Variants in CLCN3 observed in about 807,000 individuals in gnomAD.
CLCN3 encodes the protein H(+)/Cl(-) exchange transporter 3.
A neutral mutation model predicts 83.4 loss-of-function variants in CLCN3; 16 were observed. The ratio of observed to expected loss-of-function variants is 0.19; its 90% CI spans 0.13 to 0.29. The LOEUF is 0.29. Among genes scored for constraint, CLCN3 ranks in the 10% least tolerant of loss-of-function variants. The probability of loss-of-function intolerance (pLI) is 1.00; values close to 1 mark genes in which losing one functional copy is unlikely to be tolerated. For missense variants in CLCN3, 544 were observed against 1,006.0 expected (o/e 0.54, Z 6.21); for synonymous variants, 322 against 346.2 (o/e 0.93, Z 0.78).
Position 169,690,647 on chromosome 4 carries a change from C to G in CLCN3, c.724C>G (p.Pro242Ala). Residue 242 changes from proline (P) to alanine (A), a missense_variant, in exon 6 of 13, where the codon CCA becomes GCA. Around this residue, in one of 6 missense-constraint regions of CLCN3, gnomAD observed 96 missense variants for 202.1 expected, o/e 0.48. Transcript: ENST00000513761. ...TCCATATGCCTGTGGCTCTGGAATT[C>G]CAGAGGTAAGCCAAGTAATATTTAG... ...FAPYACGSGI[P>A]EIKTILSGFI... The G allele has an allele frequency of 2.2e-5, 36 of 1,611,460 alleles. No homozygotes were observed. Among genetic ancestry groups the G allele is most frequent in the Non-Finnish European group, 3.1e-5 (36 of 1,178,858 alleles).
At chr4:169,672,981 A>G (rs1256362201) in intron 2 of CLCN3, among the ~76,000 whole-genome samples, 8 of 152,190 alleles carry the variant, frequency 5.3e-5, no homozygotes, top group Non-Finnish European at 1.5e-5. Flanking sequence ...TATCTTACAC[A>G]AATCTAGGTT....
chr4:169,700,910 T>A (rs1732760975), intron 9 of CLCN3, among the ~76,000 whole-genome samples: 1 of 152,238 alleles, frequency 6.6e-6, no homozygotes, highest in South Asian at 2.1e-4. Context: ...TGAATTGTAA[T>A]CTGTTTTGCT....
At chr4:169,640,211 A>G (rs1444253149) in intron 2 of CLCN3, among the ~76,000 whole-genome samples, 1 of 152,150 alleles carries the variant, frequency 6.6e-6, no homozygotes, top group Non-Finnish European at 1.5e-5. Context: ...CCCCCAACGT[A>G]AGCAGTTTTC....
chr4:169,680,238 CAT>C (rs759530151), intron 3 of CLCN3, 31 bp downstream of exon 3: 3 of 1,505,118 alleles, frequency 2.0e-6, no homozygotes, highest in Middle Eastern at 1.7e-4. Flanking sequence ...TTTTTAAAAA[CAT>C]AGTGCATAAT....
intron 12 of CLCN3, among the ~76,000 whole-genome samples, chr4:169,719,256 G>A (rs565134298): frequency 1.7e-4 from 26 of 152,314 alleles, no homozygotes; most frequent in African/African-American, 6.3e-4. Flanking sequence ...CACAAGGTCA[G>A]GAGTTGAAGC....
intron 2 of CLCN3, among the ~76,000 whole-genome samples, chr4:169,638,283 C>A (rs1298888949): frequency 6.6e-6 from 1 of 152,104 alleles, no homozygotes; most frequent in African/African-American, 2.4e-5. Flanking sequence ...AATACTTTAC[C>A]TCTTTTTACC....
rs372151295 is a variant in CLCN3, at chr4:169,719,960, C to T, written c.2420C>T (p.Thr807Met). 3.3e-5 allele frequency: 54 copies of T among 1,613,814 alleles called. No individual in the cohort carries two copies. The highest frequency in any genetic ancestry group is 3.3e-4 in the Middle Eastern group (2 of 6,082). ...KKDILRHMAQ[T>M]ANQDPASIMF... The stretch of plus-strand genomic sequence containing the variant: ...GATATCCTCCGGCATATGGCCCAGA[C>T]GGCAAACCAAGACCCCGCTTCAATA... Residue 807 changes from threonine to methionine, a missense_variant, in exon 13 of 13, where the codon ACG becomes ATG. Physicochemically the swap from Thr to Met is moderately conservative, Grantham distance 81. This residue lies in a region of CLCN3 where 142 missense variants were observed against 225.0 expected (regional missense o/e 0.63). Coordinates refer to ENST00000513761, the MANE Select transcript of CLCN3 (RefSeq NM_001829.4).
chr4:169,691,512 TATCTC>T (rs1364047598), intron 6 of CLCN3, among the ~76,000 whole-genome samples: 15 of 152,342 alleles, frequency 9.8e-5, no homozygotes, highest in South Asian at 6.2e-4. Context: ...GATTTGAACT[TATCTC>T]TTCTCTTTTA....
At chr4:169,712,367 G>A (rs1733255045) in intron 11 of CLCN3, among the ~76,000 whole-genome samples, 1 of 151,510 alleles carries the variant, frequency 6.6e-6, no homozygotes, top group South Asian at 2.1e-4. Context: ...GTTTCATTCA[G>A]ATTTTTTTTT....
In CLCN3 at chr4:169,720,210, G is replaced by A. The variant is rs945752975; in HGVS notation, c.*213G>A. ...AGGGAAAGGAGAGAGAAGGAAAGGA[G>A]TGAGGTATTTCCCGTCTAACAGAAA... On this transcript the variant is annotated 3_prime_UTR_variant, in exon 13 of 13. Transcript: ENST00000513761. 3.0e-6 allele frequency: 2 copies of A among 660,804 alleles called. No homozygotes were observed. The highest frequency in any genetic ancestry group is 3.7e-5 in the African/African-American group (2 of 54,620). The allele number at this position is 660,804 out of a possible 1,614,324, so 40.9% of individuals were successfully genotyped here.
chr4:169,654,012 C>G (rs1730811155), intron 2 of CLCN3, among the ~76,000 whole-genome samples: 1 of 152,134 alleles, frequency 6.6e-6, no homozygotes, highest in Non-Finnish European at 1.5e-5. Context: ...ATCAGATAGC[C>G]AGTTGTCCCA....
chr4:169,652,513 A>G (rs1730758863), intron 2 of CLCN3, among the ~76,000 whole-genome samples: 1 of 152,198 alleles, frequency 6.6e-6, no homozygotes, highest in African/African-American at 2.4e-5. Flanking sequence ...AAATGAATTT[A>G]CTACAGTTTA....
intron 2 of CLCN3, among the ~76,000 whole-genome samples, chr4:169,645,301 A>C (rs780106666): frequency 1.3e-5 from 2 of 152,196 alleles, no homozygotes; most frequent in Non-Finnish European, 2.9e-5. Flanking sequence ...TGAAGGGTTT[A>C]TATAAAAAGG....
intron 11 of CLCN3, among the ~76,000 whole-genome samples, chr4:169,711,403 G>A (rs1216728674): frequency 6.6e-6 from 1 of 152,106 alleles, no homozygotes; most frequent in Non-Finnish European, 1.5e-5. Context: ...CACTCTTGTT[G>A]CCTGGGCTGG....
intron 2 of CLCN3, among the ~76,000 whole-genome samples, chr4:169,638,796 G>C (rs1476868590): frequency 6.6e-6 from 1 of 152,164 alleles, no homozygotes; most frequent in African/African-American, 2.4e-5. Flanking sequence ...TCTTTTATCA[G>C]GGAGGATAAT....
Position 169,690,540 on chromosome 4 carries a change from C to A in CLCN3, c.617C>A (p.Ser206Tyr). 1 of 1,611,048 alleles carries A rather than the reference C, an allele frequency of 6.2e-7. No homozygotes were observed. The highest frequency in any genetic ancestry group is 1.1e-5 in the South Asian group (1 of 90,236). ...CTATTTTCTTTTTAGGGTCCTGGTTCTTATATCATGAACTACATAATGTAC... is the reference window on the plus strand; with the variant it reads ...CTATTTTCTTTTTAGGGTCCTGGTTATTATATCATGAACTACATAATGTAC... ...LIIGQAEGPGSYIMNYIMYIF... is the reference protein window; with the variant it reads ...LIIGQAEGPGYYIMNYIMYIF... Residue 206 changes from serine to tyrosine, a missense_variant, in exon 6 of 13, where the codon TCT becomes TAT. Around this residue, in one of 6 missense-constraint regions of CLCN3, gnomAD observed 96 missense variants for 202.1 expected, o/e 0.48. Coordinates refer to ENST00000513761, the MANE Select transcript of CLCN3 (RefSeq NM_001829.4).
At chr4:169,677,614 C>T (rs2150235390) in intron 2 of CLCN3, among the ~76,000 whole-genome samples, 1 of 152,276 alleles carries the variant, frequency 6.6e-6, no homozygotes, top group East Asian at 1.9e-4. Flanking sequence ...GCAAGTGTAG[C>T]TGCAAGAAAA....
At position 169,684,266 on chromosome 4, in the gene CLCN3, T is replaced by C. The variant is rs142324216; in HGVS notation, c.319-3392T>C. Among the ~76,000 whole-genome samples, 315 of 152,268 alleles carry C rather than the reference T, an allele frequency of 2.1e-3. 10 individuals carry two copies. In the East Asian group the frequency reaches 0.051, roughly 25 times the overall value. On this transcript the variant is annotated intron_variant, in intron 3 of 12. Coordinates refer to ENST00000513761, the MANE Select transcript of CLCN3 (RefSeq NM_001829.4). ...TTAGCTTGCATATTTCTATAGAGAG[T>C]TTACCCCACATCAACCATTTGGATT... is the stretch of plus-strand genomic sequence containing the variant.
intron 2 of CLCN3, among the ~76,000 whole-genome samples, chr4:169,644,605 C>A (rs144580384): frequency 6.6e-6 from 1 of 152,160 alleles, no homozygotes; most frequent in African/African-American, 2.4e-5. Flanking sequence ...ATCAAGCTGT[C>A]TTCCTCACTA....
Sources: gnomAD v4.1 joint callset for allele counts (sites outside exome capture counted in the v4.1 genomes callset) on GRCh38, gnomAD v4.1.1 for gene constraint, gnomAD v4.1.1 regional missense constraint, MANE v1.5 for transcripts, NCBI Gene and HGNC (gene_info 2026-07-23, HGNC 2026-07-21) for gene names.